Variants in TLCD4 observed in about 807,000 individuals in gnomAD.
TLCD4 encodes TLC domain containing 4, also known as TLC domain-containing protein 4.
In TLCD4, 7 loss-of-function variants were observed where a neutral mutation model predicts 24.2. The observed-to-expected ratio is 0.29, with a 90% CI of 0.16 to 0.54. The LOEUF is 0.54. Ranked by LOEUF, TLCD4 falls within the 20% of genes least tolerant of loss-of-function variation. The pLI, the probability that TLCD4 is intolerant of heterozygous loss-of-function variation, is 0.95. For synonymous variants in TLCD4, 103 were observed against 106.4 expected, an observed-to-expected ratio of 0.97 and a Z score of 0.20; for missense variants, 259 against 313.9, an observed-to-expected ratio of 0.82 and a Z score of 1.32.
intron 6 of TLCD4, among the ~76,000 whole-genome samples, chr1:95,189,167 G>A (rs555273699): frequency 6.6e-6 from 1 of 152,166 alleles, no homozygotes; most frequent in African/African-American, 2.4e-5. Flanking sequence ...TATTTGTTCA[G>A]TCCTGATATA....
upstream of TLCD4, among the ~76,000 whole-genome samples, chr1:95,112,403 A>C (rs1183159164): frequency 2.0e-5 from 3 of 152,236 alleles, no homozygotes; most frequent in Admixed American, 6.5e-5. Context: ...AAATAAATAA[A>C]AGAAAAAATT....
chr1:95,119,002 C>T (rs1676504754), intron 1 of TLCD4, among the ~76,000 whole-genome samples: 1 of 152,150 alleles, frequency 6.6e-6, no homozygotes, highest in African/African-American at 2.4e-5. Flanking sequence ...TGAATCTTTA[C>T]TGTCCTCATC....
the TLCD4 span, among the ~76,000 whole-genome samples, chr1:95,104,047 G>A: frequency 2.0e-5 from 3 of 152,162 alleles, no homozygotes; most frequent in Admixed American, 6.5e-5. Flanking sequence ...GGCTTTGTAG[G>A]AGCCATAAAA....
chr1:95,105,996 C>G, the TLCD4 span, among the ~76,000 whole-genome samples: 1 of 151,894 alleles, frequency 6.6e-6, no homozygotes, highest in Non-Finnish European at 1.5e-5. Context: ...AATGCAGACA[C>G]TGAATGCTTC....
chr1:95,115,244 T>G (rs1676408215), upstream of TLCD4, among the ~76,000 whole-genome samples: 1 of 151,860 alleles, frequency 6.6e-6, no homozygotes, highest in Non-Finnish European at 1.5e-5. Context: ...GTAGCTGAGA[T>G]TATAGGCAAG....
chr1:95,181,795 A>G (rs962077728), intron 6 of TLCD4, among the ~76,000 whole-genome samples: 1 of 151,902 alleles, frequency 6.6e-6, no homozygotes, highest in East Asian at 1.9e-4. Context: ...AATTTTTTGT[A>G]TGTTTAGTAC....
At chr1:95,114,916 T>G (rs1676401033), upstream of TLCD4, among the ~76,000 whole-genome samples, 1 of 152,044 alleles carries the variant, frequency 6.6e-6, no homozygotes, top group African/African-American at 2.4e-5. Context: ...CTTGAACTGT[T>G]TCAGTGAATA....
At chr1:95,114,145 C>T (rs1676388289), upstream of TLCD4, among the ~76,000 whole-genome samples, 1 of 152,134 alleles carries the variant, frequency 6.6e-6, no homozygotes, top group Non-Finnish European at 1.5e-5. Context: ...CTGCAGCCTC[C>T]AACTCCTGGT....
At chr1:95,149,928 A>G (rs2100945708) in intron 3 of TLCD4, among the ~76,000 whole-genome samples, 1 of 152,268 alleles carries the variant, frequency 6.6e-6, no homozygotes, top group South Asian at 2.1e-4. Context: ...TAGTCCAGCT[A>G]TTTTAGTTAG....
chr1:95,166,967 T>C (rs1678035124), intron 5 of TLCD4, among the ~76,000 whole-genome samples: 1 of 152,134 alleles, frequency 6.6e-6, no homozygotes, highest in Non-Finnish European at 1.5e-5. Flanking sequence ...ATTCCTGATC[T>C]CAAGCGATCC....
chr1:95,139,024 C>CAA (rs1181312045), intron 1 of TLCD4, among the ~76,000 whole-genome samples: 896 of 56,828 alleles, frequency 0.016, 27 homozygotes, highest in Middle Eastern at 0.031. Context: ...CCAGTCTCTA[C>CAA]AAAAAAAAAA....
At chr1:95,128,929 C>G (rs1042937833) in intron 1 of TLCD4, among the ~76,000 whole-genome samples, 2 of 152,196 alleles carry the variant, frequency 1.3e-5, no homozygotes, top group Non-Finnish European at 2.9e-5. Context: ...AGAGTTGTGA[C>G]TCAACTGTCA....
At chr1:95,126,851 T>C (rs1228768920) in intron 1 of TLCD4, among the ~76,000 whole-genome samples, 6 of 152,194 alleles carry the variant, frequency 3.9e-5, no homozygotes, top group African/African-American at 1.4e-4. Context: ...CTCTCTTCTG[T>C]TGTATTCTCT....
upstream of TLCD4, among the ~76,000 whole-genome samples, chr1:95,113,125 C>T (rs1008040447): frequency 4.0e-5 from 6 of 151,832 alleles, no homozygotes; most frequent in Non-Finnish European, 8.8e-5. Context: ...TCACTGCAAC[C>T]TCTGCCTCCT....
chr1:95,121,488 T>C lies in TLCD4; in HGVS notation c.-12+3871T>C, dbSNP rs536288680. 5.3e-5 allele frequency among the ~76,000 whole-genome samples: 8 copies of C among 152,372 alleles called. No individual in the cohort carries two copies. The East Asian group carries it at 1.5e-3, about 29-fold the overall frequency. On this transcript the variant is annotated intron_variant, in intron 1 of 6. Transcript: ENST00000370203. ...TTGAAAAGTATTCTTTTTTTCTTTT[T>C]GAGACAGGGTCTCGCTTTGTCACCC...
In TLCD4 at chr1:95,144,048, G is replaced by T; in HGVS notation, c.147G>T (p.Trp49Cys). ...NSLSFKKKIE[W>C]NSRVVSTCHS... ...TCAGCTTCAAAAAGAAGATTGAATG[G>T]AACTCAAGGTAAAGCATATGAAAAT... Residue 49 changes from tryptophan to cysteine, a missense_variant, in exon 2 of 7, where the codon TGG becomes TGT. Transcript: ENST00000370203. 2.0e-6 allele frequency: 3 copies of T among 1,523,132 alleles called. No homozygotes were observed. Among genetic ancestry groups the T allele is most frequent in the South Asian group, 1.3e-5 (1 of 74,164 alleles). The allele number at this position is 1,523,132 out of a possible 1,614,324, so 94.4% of individuals were successfully genotyped here.
intron 6 of TLCD4, among the ~76,000 whole-genome samples, chr1:95,183,411 A>G (rs928026149): frequency 7.6e-6 from 1 of 130,814 alleles, no homozygotes; most frequent in African/African-American, 2.5e-5. Context: ...GAGATATTGG[A>G]TAAGAGGACA....
At chr1:95,094,595 G>C in the TLCD4 span, among the ~76,000 whole-genome samples, 1 of 152,124 alleles carries the variant, frequency 6.6e-6, no homozygotes, top group Non-Finnish European at 1.5e-5. Context: ...CACTGCACAG[G>C]TTAAACATCT....
At chr1:95,127,131 G>A (rs370059634) in intron 1 of TLCD4, among the ~76,000 whole-genome samples, 5 of 152,350 alleles carry the variant, frequency 3.3e-5, no homozygotes, top group African/African-American at 1.2e-4. Flanking sequence ...GTTCTTGCCT[G>A]AGGCTACTTG....
Sources: allele counts gnomAD v4.1 joint callset (sites outside exome capture counted in the v4.1 genomes callset), GRCh38; gene constraint gnomAD v4.1.1; transcripts MANE v1.5; gene names NCBI Gene and HGNC (gene_info 2026-07-23, HGNC 2026-07-21).